IFNAR1: variants seen among roughly 807,000 people sequenced by gnomAD.
IFNAR1 encodes the protein interferon alpha and beta receptor subunit 1, also known as interferon alpha/beta receptor 1.
Under a neutral mutation model 62.1 loss-of-function variants are expected in IFNAR1, and 47 were observed. The ratio of observed to expected loss-of-function variants is 0.76; its 90% confidence interval spans 0.60 to 0.97. The LOEUF is 0.97. Ranked by LOEUF, IFNAR1 falls within the 50% of genes least tolerant of loss-of-function variation. IFNAR1 has a pLI of 0.00. For missense variants in IFNAR1, 638 were observed against 654.5 expected (o/e 0.97, Z 0.27); for synonymous variants, 219 against 226.9 (o/e 0.97, Z 0.31).
chr21:33,330,299 C>A (rs2083163966), intron 1 of IFNAR1, among the ~76,000 whole-genome samples: 1 of 152,180 alleles, frequency 6.6e-6, no homozygotes, highest in Non-Finnish European at 1.5e-5. Context: ...AACCCCCTCC[C>A]CACTCACTCC....
upstream of IFNAR1, chr21:33,324,727 A>C: frequency 8.6e-4 from 274 of 319,542 alleles, no homozygotes; most frequent in East Asian, 2.2e-3. Context: ...GACCGGCCAT[A>C]GGCCGGAAAG....
chr21:33,342,477 T>C (rs1411849148), intron 3 of IFNAR1, among the ~76,000 whole-genome samples: 4 of 151,996 alleles, frequency 2.6e-5, no homozygotes, highest in Admixed American at 6.6e-5. Context: ...GAATGATCTG[T>C]ACTCCCTTTC....
In IFNAR1 at chr21:33,343,536, A is replaced by C; in HGVS notation, c.533A>C (p.Glu178Ala). 2.6e-6 allele frequency: 4 copies of C among 1,529,224 alleles called. No individual in the cohort carries two copies. The highest frequency in any genetic ancestry group is 3.6e-6 in the Non-Finnish European group (4 of 1,109,298). 94.7% of individuals were successfully genotyped at this position (1,529,224 alleles called of 1,614,324 possible). The change falls in exon 5 of 11, where the codon GAA becomes GCA. Residue 178 changes from glutamate to alanine, a missense_variant and splice_region_variant. Coordinates refer to ENST00000270139, the MANE Select transcript of IFNAR1 (RefSeq NM_000629.3). ...VIWKNSSGVE[E>A]RIENIYSRHK... ...AACCAACTTATATTTGTGTTATAGG[A>C]AAGGATTGAAAATATTTATTCCAGA...
chr21:33,334,894 C>A, intron 1 of IFNAR1: 2 of 1,433,080 alleles, frequency 1.4e-6, no homozygotes, highest in Non-Finnish European at 2.0e-6. Context: ...CTGAGATACA[C>A]TATACTTTCC....
At chr21:33,345,084 G>A (rs113093877) in intron 5 of IFNAR1, among the ~76,000 whole-genome samples, 162 bp from the exon 6 acceptor site, 25 of 152,224 alleles carry the variant, frequency 1.6e-4, no homozygotes, top group Non-Finnish European at 2.4e-4. Context: ...CACTGCGCCC[G>A]GCCTGTAGTC....
At chr21:33,334,903 C>T in intron 1 of IFNAR1, 1 of 1,489,504 alleles carries the variant, frequency 6.7e-7, no homozygotes, top group South Asian at 1.1e-5. Flanking sequence ...ACTATACTTT[C>T]CCACCCCTGC....
chr21:33,334,976 G>A lies in IFNAR1; in HGVS notation c.77-548G>A, dbSNP rs1284100477. 3.2e-5 allele frequency: 51 copies of A among 1,576,954 alleles called. No individual in the cohort carries two copies. In the East Asian group the frequency reaches 1.1e-3, roughly 35 times the overall value. On this transcript the variant is annotated intron_variant, in intron 1 of 10. Transcript: ENST00000270139. ...ACAGCTGCTGTTGTTACTACCCAGG[G>A]CTCAGAGGCACTGCTTGGGCAGGTG...
rs944277145 is a variant in IFNAR1 at position 33,356,349 on chromosome 21, A to C, written c.*800A>C. 1.6e-4 allele frequency: 24 copies of C among 152,140 alleles called. No homozygotes were observed. The highest frequency in any genetic ancestry group is 5.8e-4 in the African/African-American group (24 of 41,430). 9.4% of individuals were successfully genotyped at this position (152,140 alleles called of 1,614,324 possible). On this transcript the variant is annotated 3_prime_UTR_variant, in exon 11 of 11. Coordinates refer to ENST00000270139, the MANE Select transcript of IFNAR1 (RefSeq NM_000629.3). ...AACACTGAGGGTAGGCCCTTAGGAA[A>C]TTTATTTAGGAAAGTCTGAACACGT...
intron 8 of IFNAR1, among the ~76,000 whole-genome samples, 153 bp from the exon 9 acceptor site, chr21:33,352,605 A>AC (rs202179553): frequency 0.026 from 3,979 of 150,468 alleles, 185 homozygotes; most frequent in African/African-American, 0.094. Flanking sequence ...TGTCTCACAA[A>AC]AAAAACAAAA....
rs1568929211 is a variant in IFNAR1, at chr21:33,341,114, G to A, written c.316G>A (p.Ala106Thr). The A allele has an allele frequency of 6.2e-7, 1 of 1,613,334 alleles. No homozygotes were observed. Among genetic ancestry groups the A allele is most frequent in the Non-Finnish European group, 8.5e-7 (1 of 1,179,518 alleles). The part of the protein sequence containing the change: ...VYEEIKLRIR[A>T]EKENTSSWYE... ...TGAAGAAATTAAATTGCGTATAAGA[G>A]CAGAAAAAGAAAACACTTCTTCATG... is the stretch of plus-strand genomic sequence containing the variant. Residue 106 changes from alanine (A) to threonine (T), a missense_variant, in exon 3 of 11, where the codon GCA becomes ACA. Ala to Thr is a moderately conservative substitution (Grantham distance 58, BLOSUM62 0). Transcript: ENST00000270139.
intron 2 of IFNAR1, among the ~76,000 whole-genome samples, chr21:33,339,237 A>G (rs573565134): frequency 5.3e-5 from 8 of 152,252 alleles, no homozygotes; most frequent in African/African-American, 1.9e-4. Flanking sequence ...GAGTTTCTGG[A>G]TTTTTAGAAA....
At position 33,325,021 on chromosome 21, in the gene IFNAR1, A is replaced by C. The variant is rs1601850175; in HGVS notation, c.-35A>C. 1 of 1,564,078 alleles carries C rather than the reference A, an allele frequency of 6.4e-7. No individual in the cohort carries two copies. On this transcript the variant is annotated 5_prime_UTR_variant, in exon 1 of 11. Coordinates refer to ENST00000270139, the MANE Select transcript of IFNAR1 (RefSeq NM_000629.3). ...GGCTGAGAGGAGCTGCGCGTGCGCGAACATGTAACTGGTGGGATCTGCGGC... is the reference window on the plus strand; with the variant it reads ...GGCTGAGAGGAGCTGCGCGTGCGCGCACATGTAACTGGTGGGATCTGCGGC...
intron 3 of IFNAR1, among the ~76,000 whole-genome samples, chr21:33,342,688 C>CAAAA (rs757422966): frequency 5.3e-5 from 5 of 93,502 alleles, no homozygotes; most frequent in African/African-American, 1.6e-4. Context: ...ACTAAAAATA[C>CAAAA]AAAAAAAAAA....
chr21:33,337,297 G>A (rs1170072952), intron 2 of IFNAR1, among the ~76,000 whole-genome samples: 1 of 151,980 alleles, frequency 6.6e-6, no homozygotes, highest in East Asian at 1.9e-4. Flanking sequence ...AGTTTTTCTG[G>A]AGTGTTGATG....
At chr21:33,333,626 CT>C (rs377630675) in intron 1 of IFNAR1, among the ~76,000 whole-genome samples, 5,323 of 97,570 alleles carry the variant, frequency 0.055, 117 homozygotes, top group African/African-American at 0.068. Context: ...TTTTTTTTTT[CT>C]TTTTTTTTTT....
At chr21:33,351,036 C>G (rs906220680) in intron 8 of IFNAR1, among the ~76,000 whole-genome samples, 33 of 152,094 alleles carry the variant, frequency 2.2e-4, no homozygotes, top group African/African-American at 7.0e-4. Flanking sequence ...AGTAGAGATT[C>G]AATAAATTGT....
chr21:33,335,777 A>G (rs2083228269), intron 2 of IFNAR1, 130 bp downstream of exon 2: 4 of 739,144 alleles, frequency 5.4e-6, no homozygotes, highest in African/African-American at 1.8e-5. Flanking sequence ...CCTATTTTAC[A>G]TAATATTTTT....
At chr21:33,335,400 T>C in intron 1 of IFNAR1, 124 bp from the exon 2 acceptor site, 1 of 528,454 alleles carries the variant, frequency 1.9e-6, no homozygotes, top group Non-Finnish European at 3.2e-6. Flanking sequence ...TTTTAGATTT[T>C]TAAAATATAC....
At chr21:33,334,836 A>C (rs2083217673) in intron 1 of IFNAR1, 1 of 979,348 alleles carries the variant, frequency 1.0e-6, no homozygotes, top group East Asian at 2.5e-5. Flanking sequence ...GTGGTGATCC[A>C]GGGTGATATC....
Sources: gnomAD v4.1 joint callset for allele counts (sites outside exome capture counted in the v4.1 genomes callset) on GRCh38, gnomAD v4.1.1 for gene constraint, MANE v1.5 for transcripts, NCBI Gene and HGNC (gene_info 2026-07-23, HGNC 2026-07-21) for gene names.